Variants in MAGI2 observed in about 807,000 individuals in gnomAD.
MAGI2 encodes the protein membrane-associated guanylate kinase, WW and PDZ domain-containing protein 2.
In MAGI2, 35 loss-of-function variants were observed where a neutral mutation model predicts 133.3. The observed-to-expected ratio is 0.26, with a 90% CI of 0.20 to 0.35. The LOEUF (loss-of-function observed/expected upper bound fraction) is 0.35, where lower values mean the gene tolerates loss of function less well. Among genes scored for constraint, MAGI2 ranks in the 10% least tolerant of loss-of-function variants. The pLI, the probability that MAGI2 is intolerant of heterozygous loss-of-function variation, is 1.00. For missense variants in MAGI2, 1,636 were observed against 1,863.4 expected (o/e 0.88, Z 2.25); for synonymous variants, 729 against 710.6 (o/e 1.03, Z -0.41).
chr7:79,049,701 C>T (rs1360430315), intron 1 of MAGI2, among the ~76,000 whole-genome samples: 1 of 150,682 alleles, frequency 6.6e-6, no homozygotes, highest in African/African-American at 2.4e-5. Flanking sequence ...ATTCCTTACT[C>T]ATATTTTACT....
At chr7:79,364,797 T>C (rs1280372261) in intron 1 of MAGI2, among the ~76,000 whole-genome samples, 1 of 151,870 alleles carries the variant, frequency 6.6e-6, no homozygotes, top group Non-Finnish European at 1.5e-5. Flanking sequence ...TAAATATATA[T>C]GTAAAATATA....
At chr7:78,804,681 G>A (rs1406096287) in intron 2 of MAGI2, among the ~76,000 whole-genome samples, 13 of 148,682 alleles carry the variant, frequency 8.7e-5, no homozygotes, top group African/African-American at 2.2e-4. Flanking sequence ...CCCAGGAGGC[G>A]GAGCTTGCAG....
chr7:78,219,189 CCTCT>C (rs559927976), intron 10 of MAGI2, among the ~76,000 whole-genome samples: 3 of 152,012 alleles, frequency 2.0e-5, no homozygotes, highest in Non-Finnish European at 4.4e-5. Context: ...TTGGGGTCTC[CCTCT>C]CTCTCATGGT....
intron 1 of MAGI2, among the ~76,000 whole-genome samples, chr7:79,261,146 G>A (rs1834057304): frequency 6.6e-6 from 1 of 152,200 alleles, no homozygotes; most frequent in South Asian, 2.1e-4. Flanking sequence ...CAAAATCATA[G>A]AGGTTAATCA....
At chr7:79,224,033 A>G (rs561905871) in intron 1 of MAGI2, among the ~76,000 whole-genome samples, 1 of 152,122 alleles carries the variant, frequency 6.6e-6, no homozygotes, top group South Asian at 2.1e-4. Flanking sequence ...TTTTTCTCCA[A>G]TTGCACAGTA....
chr7:78,433,065 A>G (rs561954984), intron 6 of MAGI2, among the ~76,000 whole-genome samples: 15 of 152,242 alleles, frequency 9.9e-5, no homozygotes, highest in African/African-American at 2.6e-4. Context: ...AAACAGCACG[A>G]AAGTCCAAAG....
chr7:78,070,533 TGTACATA>T (rs1386404756), intron 21 of MAGI2, among the ~76,000 whole-genome samples: 24 of 123,664 alleles, frequency 1.9e-4, no homozygotes, highest in African/African-American at 6.0e-4. Context: ...TGTATATATG[TGTACATA>T]TGTATATATG....
intron 2 of MAGI2, among the ~76,000 whole-genome samples, chr7:78,850,869 C>G (rs988509065): frequency 6.6e-6 from 1 of 152,008 alleles, no homozygotes; most frequent in Non-Finnish European, 1.5e-5. Context: ...AGTCTACGAA[C>G]AAAGATACTG....
intron 1 of MAGI2, among the ~76,000 whole-genome samples, chr7:79,194,843 G>A (rs907404137): frequency 2.0e-5 from 3 of 151,578 alleles, no homozygotes; most frequent in African/African-American, 7.3e-5. Context: ...TATAGTAAAG[G>A]TTATGAAAAT....
At chr7:78,789,990 A>G (rs1327167786) in intron 2 of MAGI2, among the ~76,000 whole-genome samples, 3 of 152,218 alleles carry the variant, frequency 2.0e-5, no homozygotes, top group African/African-American at 4.8e-5. Context: ...ACTTAAGCAT[A>G]TAAGTTCTGT....
chr7:78,499,683 T>A (rs964630606), intron 5 of MAGI2, among the ~76,000 whole-genome samples: 1 of 152,222 alleles, frequency 6.6e-6, no homozygotes. Context: ...ATTGGAAACA[T>A]TGTAAGAAAA....
chr7:78,676,641 T>A (rs1479048562), intron 2 of MAGI2, among the ~76,000 whole-genome samples: 1 of 152,124 alleles, frequency 6.6e-6, no homozygotes, highest in Non-Finnish European at 1.5e-5. Flanking sequence ...ACGCAGTCTG[T>A]ATTTGTTACA....
intron 2 of MAGI2, among the ~76,000 whole-genome samples, chr7:78,927,158 T>A (rs141967070): frequency 6.6e-6 from 1 of 152,166 alleles, no homozygotes; most frequent in East Asian, 1.9e-4. Context: ...AAGTTGGGCA[T>A]CAGGAAACCT....
At chr7:78,955,188 T>C (rs1333943719) in intron 2 of MAGI2, among the ~76,000 whole-genome samples, 1 of 152,074 alleles carries the variant, frequency 6.6e-6, no homozygotes, top group Non-Finnish European at 1.5e-5. Flanking sequence ...AAATTATAAA[T>C]AGTCCAAGAT....
At chr7:78,984,692 T>A (rs1158385877) in intron 2 of MAGI2, among the ~76,000 whole-genome samples, 3 of 151,728 alleles carry the variant, frequency 2.0e-5, no homozygotes, top group Non-Finnish European at 4.4e-5. Flanking sequence ...ACGCCCTTCA[T>A]CCACACCCAC....
In MAGI2 at chr7:78,816,803, G is replaced by A. The variant is rs186126691; in HGVS notation, c.419-189564C>T. Among the ~76,000 whole-genome samples the A allele has an allele frequency of 3.0e-3, 454 of 152,260 alleles. 1 individual carries two copies. The highest frequency in any genetic ancestry group is 0.01 in the African/African-American group (429 of 41,548). On this transcript the variant is annotated intron_variant, in intron 2 of 21. Coordinates refer to ENST00000354212, the MANE Select transcript of MAGI2 (RefSeq NM_012301.4). ...CACTTGGTCACCCAAGAACTCTGTT[G>A]GAGATGTACAAGGAGATTAAAGTTG...
At chr7:79,072,352 A>G (rs1479252590) in intron 1 of MAGI2, among the ~76,000 whole-genome samples, 1 of 152,222 alleles carries the variant, frequency 6.6e-6, no homozygotes, top group African/African-American at 2.4e-5. Context: ...GAGATCTTGT[A>G]TAGTATATCA....
intron 10 of MAGI2, among the ~76,000 whole-genome samples, chr7:78,251,125 C>T (rs995778469): frequency 3.3e-5 from 5 of 152,076 alleles, no homozygotes; most frequent in Non-Finnish European, 4.4e-5. Flanking sequence ...TAATAAAGGA[C>T]AAAAACTACC....
intron 1 of MAGI2, among the ~76,000 whole-genome samples, chr7:79,316,724 C>T (rs1016687087): frequency 6.6e-6 from 1 of 152,102 alleles, no homozygotes. Context: ...TTATGGGTTA[C>T]ACAGTAAGGA....
Sources: gnomAD v4.1 joint callset for allele counts (sites outside exome capture counted in the v4.1 genomes callset) on GRCh38, gnomAD v4.1.1 for gene constraint, MANE v1.5 for transcripts, NCBI Gene and HGNC (gene_info 2026-07-23, HGNC 2026-07-21) for gene names.